The following LMO3 variants were observed in gnomAD, a reference collection of about 807,000 sequenced individuals.
LMO3 encodes LIM domain only 3, also known as LIM domain only protein 3.
Under a neutral mutation model 15.8 loss-of-function variants are expected in LMO3, and 2 were observed. The ratio of observed to expected loss-of-function variants is 0.13; its 90% confidence interval spans 0.05 to 0.40. The LOEUF (loss-of-function observed/expected upper bound fraction) is 0.40. Among genes scored for constraint, LMO3 ranks in the 10% least tolerant of loss-of-function variants. The pLI, the probability that LMO3 is intolerant of heterozygous loss-of-function variation, is 0.99. For missense variants in LMO3, 86 were observed against 182.2 expected, an observed-to-expected ratio of 0.47 and a Z score of 3.04; for synonymous variants, 62 against 63.8, an observed-to-expected ratio of 0.97 and a Z score of 0.13.
At chr12:16,575,727 CAGA>C (rs1469033084) in intron 2 of LMO3, among the ~76,000 whole-genome samples, 1 of 152,152 alleles carries the variant, frequency 6.6e-6, no homozygotes, top group Admixed American at 6.5e-5. Context: ...AAGAGAACAA[CAGA>C]AGGAGCCTCA....
In LMO3 at chr12:16,596,798, T is replaced by C. The variant is rs1347610350; in HGVS notation, c.206+3857A>G. Among the ~76,000 whole-genome samples the C allele has an allele frequency of 6.6e-6, 1 of 151,714 alleles. No homozygotes were observed. The highest frequency in any genetic ancestry group is 1.5e-5 in the Non-Finnish European group (1 of 67,688). On this transcript the variant is annotated intron_variant, in intron 2 of 3. Coordinates refer to ENST00000537304, the MANE Select transcript of LMO3 (RefSeq NM_018640.5). This position sits in a 1 kb window ranked among gnomAD's most constrained non-coding sequence, Gnocchi z 4.3. The stretch of plus-strand genomic sequence containing the variant: ...ACCTTAAACATTATCACTACAACTT[T>C]GCTATTTTTACACAGTCATTTTTAA...
intron 2 of LMO3, among the ~76,000 whole-genome samples, chr12:16,569,001 C>G (rs1425014340): frequency 6.6e-6 from 1 of 152,144 alleles, no homozygotes; most frequent in Non-Finnish European, 1.5e-5. Flanking sequence ...ATCATTATAG[C>G]TCTCTCATAA....
At chr12:16,583,160 T>C (rs1943219002) in intron 2 of LMO3, among the ~76,000 whole-genome samples, 1 of 152,070 alleles carries the variant, frequency 6.6e-6, no homozygotes, top group Non-Finnish European at 1.5e-5. Flanking sequence ...GACTGTAAGA[T>C]GATCCCGGAT....
At chr12:16,608,705 A>AGAGAGAGAGAGAGAAG (rs770993429), upstream of LMO3, 4 of 151,404 alleles carry the variant, frequency 2.6e-5, no homozygotes, top group African/African-American at 9.7e-5. The surrounding 1 kb of genome is among the most constrained non-coding windows in gnomAD (Gnocchi z 4.1). Flanking sequence ...AGCAAGGAGG[A>AGAGAGAGAGAGAGAAG]GAGAGAGAGA....
At chr12:16,565,807 CAGA>C (rs1942577571) in intron 2 of LMO3, among the ~76,000 whole-genome samples, 2 of 150,818 alleles carry the variant, frequency 1.3e-5, no homozygotes, top group African/African-American at 2.4e-5. Flanking sequence ...AAATTAAAAA[CAGA>C]ACTACCATAT....
rs1246461735 is a variant in LMO3, at chr12:16,550,457, G to A, written c.*765C>T. 1 of 152,348 alleles carries A rather than the reference G, an allele frequency of 6.6e-6. No homozygotes were observed. The highest frequency in any genetic ancestry group is 1.5e-5 in the Non-Finnish European group (1 of 67,870). 9.4% of individuals were successfully genotyped at this position (152,348 alleles called of 1,614,324 possible). ...TGTAAGTAAAGAGCACACAAAAAAA[G>A]GATATTAAAAGGAAACCTGTTAAGC... is the stretch of plus-strand genomic sequence containing the variant. On this transcript the variant is annotated 3_prime_UTR_variant, in exon 4 of 4. Coordinates refer to ENST00000537304, the MANE Select transcript of LMO3 (RefSeq NM_018640.5).
intron 2 of LMO3, among the ~76,000 whole-genome samples, chr12:16,575,843 C>G (rs956130652): frequency 1.3e-5 from 2 of 152,076 alleles, no homozygotes; most frequent in African/African-American, 2.4e-5. Context: ...TCACCAGGGC[C>G]TTACAGTCTA....
In LMO3 at chr12:16,548,592, G is replaced by T. The variant is rs1941874978; in HGVS notation, c.*2630C>A. 6.6e-6 allele frequency: 1 copy of T among 152,096 alleles called. No homozygotes were observed. The highest frequency in any genetic ancestry group is 2.4e-5 in the African/African-American group (1 of 41,406). 9.4% of individuals were successfully genotyped at this position (152,096 alleles called of 1,614,324 possible). ...GAGCTTTCGCTGCTCAGAAATCAAA[G>T]CTCCATCGGAGGTGTCCTACTGGAG... On this transcript the variant is annotated 3_prime_UTR_variant, in exon 4 of 4. Transcript: ENST00000537304. The surrounding 1 kb of genome is among the most constrained non-coding windows in gnomAD (Gnocchi z 4.2).
At position 16,549,591 on chromosome 12, in the gene LMO3, C is replaced by T. The variant is rs1053557186; in HGVS notation, c.*1631G>A. Reference sequence around the variant, plus strand: ...ATATTGGAAGGACAAAATATATATGCAAATAACACTGGAAAATATTGTTTC... The same window carrying T: ...ATATTGGAAGGACAAAATATATATGTAAATAACACTGGAAAATATTGTTTC... On this transcript the variant is annotated 3_prime_UTR_variant, in exon 4 of 4. Transcript: ENST00000537304. 2.0e-5 allele frequency: 3 copies of T among 152,240 alleles called. No homozygotes were observed. The highest frequency in any genetic ancestry group is 7.3e-5 in the African/African-American group (3 of 41,344). The allele number at this position is 152,240 out of a possible 1,614,324, so 9.4% of individuals were successfully genotyped here. A position where few individuals can be genotyped will look rare whatever the true frequency, so the allele number is the denominator to read the frequency against.
At chr12:16,581,058 A>G (rs1591806725) in intron 2 of LMO3, among the ~76,000 whole-genome samples, 1 of 152,348 alleles carries the variant, frequency 6.6e-6, no homozygotes, top group East Asian at 1.9e-4. Context: ...CAATTAATCA[A>G]CATTGTAAAT....
chr12:16,563,293 C>T (rs1449193622), intron 2 of LMO3, among the ~76,000 whole-genome samples: 1 of 152,144 alleles, frequency 6.6e-6, no homozygotes, highest in Admixed American at 6.6e-5. Context: ...CATTCTATAG[C>T]TACATTCGAG....
In LMO3 at chr12:16,559,599, C is replaced by CAAAG; in HGVS notation, c.332+810_332+813dup. Among the ~76,000 whole-genome samples, 1 of 151,920 alleles carries CAAAG rather than the reference C, an allele frequency of 6.6e-6. No individual in the cohort carries two copies. Among genetic ancestry groups the CAAAG allele is most frequent in the Admixed American group, 6.6e-5 (1 of 15,248 alleles). On this transcript the variant is annotated intron_variant, in intron 3 of 3. Coordinates refer to ENST00000537304, the MANE Select transcript of LMO3 (RefSeq NM_018640.5). This position sits in a 1 kb window ranked among gnomAD's most constrained non-coding sequence, Gnocchi z 4.1. ...TATTAGCTATATCTGGACTGATTCTCAAAGATATTTGAAGTAACTGCAAAA... is the reference window on the plus strand; with the variant it reads ...TATTAGCTATATCTGGACTGATTCTCAAAGAAAGATATTTGAAGTAACTGCAAAA...
chr12:16,573,516 C>G (rs1942892251), intron 2 of LMO3: 1 of 151,882 alleles, frequency 6.6e-6, no homozygotes, highest in Admixed American at 6.6e-5. Context: ...CTCAGCCTGT[C>G]AAAAAAACCT....
At position 16,586,170 on chromosome 12, in the gene LMO3, C is replaced by A. The variant is rs1478734255; in HGVS notation, c.206+14485G>T. On this transcript the variant is annotated intron_variant, in intron 2 of 3. Transcript: ENST00000537304. The surrounding 1 kb of genome is among the most constrained non-coding windows in gnomAD (Gnocchi z 4.3). ...AAAACCATCACAAGGAATAATTCAA[C>A]ATCCAGTTTTTCAGGTAATCTGCCA... is the stretch of plus-strand genomic sequence containing the variant. 6.6e-6 allele frequency among the ~76,000 whole-genome samples: 1 copy of A among 152,186 alleles called. No individual in the cohort carries two copies. The highest frequency in any genetic ancestry group is 1.5e-5 in the Non-Finnish European group (1 of 68,028).
At chr12:16,554,134 AGCT>A (rs1186957689) in intron 3 of LMO3, among the ~76,000 whole-genome samples, 16 of 152,184 alleles carry the variant, frequency 1.1e-4, no homozygotes, top group Admixed American at 7.9e-4. Flanking sequence ...TGAGTGATTT[AGCT>A]GACTTCATAT....
chr12:16,603,036 A>C lies in LMO3; in HGVS notation c.-8-2168T>G, dbSNP rs1203358725. 6.6e-6 allele frequency among the ~76,000 whole-genome samples: 1 copy of C among 152,010 alleles called. No homozygotes were observed. Among genetic ancestry groups the C allele is most frequent in the African/African-American group, 2.4e-5 (1 of 41,428 alleles). On this transcript the variant is annotated intron_variant, in intron 1 of 3. Transcript: ENST00000537304. This position sits in a 1 kb window ranked among gnomAD's most constrained non-coding sequence, Gnocchi z 4.9. ...GTAGCAGCTAAGTTATATTTCCCAC[A>C]GTTGTGTTTCTACCATCAAGCATAG...
rs771938880 is a variant in LMO3, at chr12:16,603,674, A to T, written c.-9+2392T>A. ...GTGCAGAAATAAGTAGAACCATTTCATTTAAACTCTGGTGAGCTTTTAATT... is the reference window on the plus strand; with the variant it reads ...GTGCAGAAATAAGTAGAACCATTTCTTTTAAACTCTGGTGAGCTTTTAATT... On this transcript the variant is annotated intron_variant, in intron 1 of 3. Coordinates refer to ENST00000537304, the MANE Select transcript of LMO3 (RefSeq NM_018640.5). The surrounding 1 kb of genome is among the most constrained non-coding windows in gnomAD (Gnocchi z 4.9). Among the ~76,000 whole-genome samples the T allele has an allele frequency of 6.6e-6, 1 of 152,226 alleles. No homozygotes were observed. The highest frequency in any genetic ancestry group is 1.5e-5 in the Non-Finnish European group (1 of 68,034).
chr12:16,566,851 GA>G (rs1942633918), intron 2 of LMO3, among the ~76,000 whole-genome samples: 1 of 152,120 alleles, frequency 6.6e-6, no homozygotes, highest in African/African-American at 2.4e-5. Flanking sequence ...TACACTGAAT[GA>G]AAAGGAAAGA....
At position 16,584,564 on chromosome 12, in the gene LMO3, T is replaced by C. The variant is rs149434796; in HGVS notation, c.206+16091A>G. 1.3e-5 allele frequency among the ~76,000 whole-genome samples: 2 copies of C among 151,736 alleles called. No homozygotes were observed. The highest frequency in any genetic ancestry group is 4.9e-5 in the African/African-American group (2 of 41,162). ...AATGGAAACAAGAGACGTTTTAGAT[T>C]AACATTGGCAAGTGGAGGAGTGGGG... On this transcript the variant is annotated intron_variant, in intron 2 of 3. Transcript: ENST00000537304. This position sits in a 1 kb window ranked among gnomAD's most constrained non-coding sequence, Gnocchi z 5.2.
Sources: gnomAD v4.1 joint callset for allele counts (sites outside exome capture counted in the v4.1 genomes callset) on GRCh38, gnomAD v4.1.1 for gene constraint, Gnocchi (gnomAD v3.1) non-coding constraint, MANE v1.5 for transcripts, NCBI Gene and HGNC (gene_info 2026-07-23, HGNC 2026-07-21) for gene names.